The following SCFD2 variants were observed in gnomAD, a reference collection of about 807,000 sequenced individuals.
SCFD2 encodes sec1 family domain-containing protein 2.
In SCFD2, 54 loss-of-function variants were observed where a neutral mutation model predicts 58.9. The observed-to-expected ratio is 0.92, with a 90% CI of 0.74 to 1.15. The LOEUF (loss-of-function observed/expected upper bound fraction) is 1.15. SCFD2 is among the 50% of genes most tolerant of loss of function. The pLI, the probability that SCFD2 is intolerant of heterozygous loss-of-function variation, is 0.00. For synonymous variants in SCFD2, 321 were observed against 335.9 expected, an observed-to-expected ratio of 0.96 and a Z score of 0.49; for missense variants, 805 against 836.6, an observed-to-expected ratio of 0.96 and a Z score of 0.47.
intron 5 of SCFD2, among the ~76,000 whole-genome samples, chr4:52,954,500 T>G (rs1260660640): frequency 1.3e-5 from 2 of 152,172 alleles, no homozygotes; most frequent in Non-Finnish European, 2.9e-5. Context: ...TTGAAAATAT[T>G]CAGTTGGGCC....
At chr4:52,910,611 A>C (rs959439438) in intron 6 of SCFD2, among the ~76,000 whole-genome samples, 1 of 152,226 alleles carries the variant, frequency 6.6e-6, no homozygotes, top group Admixed American at 6.5e-5. Context: ...TAGCAGAATC[A>C]CAGAGAAATA....
chr4:53,319,660 T>C (rs995902400), intron 2 of SCFD2, among the ~76,000 whole-genome samples: 2 of 152,102 alleles, frequency 1.3e-5, no homozygotes, highest in African/African-American at 4.8e-5. Context: ...GCCTCCTGGA[T>C]AGCTGGGATT....
At chr4:52,930,555 C>T (rs528032342) in intron 5 of SCFD2, among the ~76,000 whole-genome samples, 12 of 152,154 alleles carry the variant, frequency 7.9e-5, no homozygotes, top group Non-Finnish European at 1.0e-4. Flanking sequence ...TAGATCATCA[C>T]GAAAACAACG....
intron 5 of SCFD2, among the ~76,000 whole-genome samples, chr4:53,002,934 T>G (rs1459869460): frequency 6.6e-6 from 1 of 151,828 alleles, no homozygotes; most frequent in African/African-American, 2.4e-5. Context: ...ATGGTGGGAG[T>G]AGGAAGAAGA....
intron 5 of SCFD2, among the ~76,000 whole-genome samples, chr4:52,944,684 C>A (rs1720380085): frequency 6.6e-6 from 1 of 152,194 alleles, no homozygotes; most frequent in African/African-American, 2.4e-5. Context: ...AGATACTCTA[C>A]TTCAACTTTT....
chr4:53,330,245 C>T (rs574606566), intron 2 of SCFD2, among the ~76,000 whole-genome samples: 12 of 152,048 alleles, frequency 7.9e-5, no homozygotes, highest in African/African-American at 1.4e-4. Context: ...ATACAGAGAA[C>T]GCCACAAAGA....
At chr4:53,149,226 G>T (rs990510916) in intron 4 of SCFD2, among the ~76,000 whole-genome samples, 2 of 152,168 alleles carry the variant, frequency 1.3e-5, no homozygotes, top group African/African-American at 4.8e-5. Flanking sequence ...AATCCTCAGA[G>T]AAGTGATTCT....
At chr4:52,895,020 G>A (rs1198590567) in intron 7 of SCFD2, among the ~76,000 whole-genome samples, 1 of 152,188 alleles carries the variant, frequency 6.6e-6, no homozygotes, top group Non-Finnish European at 1.5e-5. Flanking sequence ...AAGCATGAGT[G>A]ACTTTTCCAT....
chr4:53,349,866 T>TA (rs1211969981), intron 2 of SCFD2, among the ~76,000 whole-genome samples: 1 of 152,204 alleles, frequency 6.6e-6, no homozygotes, highest in Non-Finnish European at 1.5e-5. Context: ...ACCTTAGGTT[T>TA]CTGTGGAAGT....
At chr4:52,957,175 G>A (rs1240739435) in intron 5 of SCFD2, 1 of 152,040 alleles carries the variant, frequency 6.6e-6, no homozygotes, top group Non-Finnish European at 1.5e-5. Flanking sequence ...AAAAAAAAAA[G>A]AACGCAGTCT....
chr4:53,351,798 A>T (rs1244527599), intron 2 of SCFD2, among the ~76,000 whole-genome samples: 1 of 152,218 alleles, frequency 6.6e-6, no homozygotes, highest in Non-Finnish European at 1.5e-5. Flanking sequence ...AAGGCTAAAA[A>T]CTTCAGGAGC....
intron 3 of SCFD2, among the ~76,000 whole-genome samples, chr4:53,304,216 C>T (rs1732438944): frequency 6.6e-6 from 1 of 152,078 alleles, no homozygotes; most frequent in South Asian, 2.1e-4. Context: ...TGATGGGTTT[C>T]CCTTTGTGGG....
intron 3 of SCFD2, among the ~76,000 whole-genome samples, chr4:53,300,625 C>A (rs1732245582): frequency 6.6e-6 from 1 of 152,194 alleles, no homozygotes; most frequent in African/African-American, 2.4e-5. Context: ...GAACTCTCCA[C>A]TCCAAATCAA....
At chr4:53,322,265 G>T (rs1224466526) in intron 2 of SCFD2, among the ~76,000 whole-genome samples, 3 of 152,186 alleles carry the variant, frequency 2.0e-5, no homozygotes, top group South Asian at 2.1e-4. Context: ...CCAAAACCAA[G>T]ATGGCAATGA....
intron 5 of SCFD2, among the ~76,000 whole-genome samples, chr4:52,937,188 T>C (rs1720160302): frequency 6.6e-6 from 1 of 152,224 alleles, no homozygotes; most frequent in Admixed American, 6.5e-5. Context: ...AAAAACTTTC[T>C]GGACAGAAGG....
chr4:53,039,109 C>T (rs757647732), intron 5 of SCFD2, among the ~76,000 whole-genome samples: 3 of 151,562 alleles, frequency 2.0e-5, no homozygotes, highest in Non-Finnish European at 4.4e-5. Context: ...TAGTCTAGTG[C>T]CTTCAGAATT....
chr4:53,350,666 T>C (rs995435592), intron 2 of SCFD2, among the ~76,000 whole-genome samples: 62 of 152,324 alleles, frequency 4.1e-4, no homozygotes, highest in African/African-American at 1.4e-3. Context: ...CTCTGGACCC[T>C]TCACATAGAT....
At chr4:53,346,521 G>C (rs1426374069) in intron 2 of SCFD2, among the ~76,000 whole-genome samples, 1 of 152,030 alleles carries the variant, frequency 6.6e-6, no homozygotes, top group Non-Finnish European at 1.5e-5. Context: ...TGATCCACCT[G>C]TCTCGGCCTC....
intron 4 of SCFD2, among the ~76,000 whole-genome samples, chr4:53,249,385 G>C (rs2149036207): frequency 6.6e-6 from 1 of 152,322 alleles, no homozygotes; most frequent in Admixed American, 6.5e-5. Context: ...ATACGCTGCA[G>C]GATATTATCC....
Sources: gnomAD v4.1 joint callset for allele counts (sites outside exome capture counted in the v4.1 genomes callset) on GRCh38, gnomAD v4.1.1 for gene constraint, MANE v1.5 for transcripts, NCBI Gene and HGNC (gene_info 2026-07-23, HGNC 2026-07-21) for gene names.